Variants in HMCN2 observed in about 807,000 individuals in gnomAD.
The protein encoded by HMCN2 is hemicentin-2.
A neutral mutation model predicts 377.5 loss-of-function variants in HMCN2; 325 were observed. The observed-to-expected ratio is 0.86, with a 90% CI of 0.79 to 0.94. HMCN2 has a LOEUF of 0.94. Ranked by LOEUF, HMCN2 falls within the 40% of genes least tolerant of loss-of-function variation. The probability of loss-of-function intolerance (pLI) is 0.00; values close to 1 mark genes in which losing one functional copy is unlikely to be tolerated. For synonymous variants in HMCN2, 2,007 were observed against 2,046.8 expected, an observed-to-expected ratio of 0.98 and a Z score of 0.53; for missense variants, 4,543 against 4,725.3, an observed-to-expected ratio of 0.96 and a Z score of 1.13.
chr9:130,340,543 G>A (rs1450138477), intron 23 of HMCN2, among the ~76,000 whole-genome samples: 2 of 145,414 alleles, frequency 1.4e-5, no homozygotes, highest in Admixed American at 6.9e-5. Flanking sequence ...TTTCTTAGAC[G>A]GAGCCTCCCT....
rs367885810 is a variant in HMCN2, at chr9:130,388,608, C to T, written c.9523+68C>T. The T allele has an allele frequency of 3.4e-5, 33 of 973,588 alleles. No homozygotes were observed. In the South Asian group the frequency reaches 1.0e-3, roughly 31 times the overall value. The allele number at this position is 973,588 out of a possible 1,614,324, so 60.3% of individuals were successfully genotyped here. A position where few individuals can be genotyped will look rare whatever the true frequency, so the allele number is the denominator to read the frequency against. ...TTCTTTAATAAGATGACAGCAGAAG[C>T]GGACGAAGGAAGTTATTGGTTGTTG... On this transcript the variant is annotated intron_variant, in intron 62 of 97. Transcript: ENST00000683500.
chr9:130,300,103 C>A (rs574578604), intron 8 of HMCN2, among the ~76,000 whole-genome samples: 1 of 151,766 alleles, frequency 6.6e-6, no homozygotes, highest in South Asian at 2.1e-4. Context: ...ATTTGCTTAC[C>A]CATCCATCTA....
intron 1 of HMCN2, among the ~76,000 whole-genome samples, chr9:130,274,876 C>T (rs1421879675): frequency 2.0e-5 from 3 of 152,088 alleles, no homozygotes; most frequent in Non-Finnish European, 4.4e-5. Flanking sequence ...CCTAATTTAC[C>T]CACCCATCCC....
At position 130,304,194 on chromosome 9, in the gene HMCN2, G is replaced by A. The variant is rs1250950361; in HGVS notation, c.1544-536G>A. On this transcript the variant is annotated intron_variant, in intron 10 of 97. Coordinates refer to ENST00000683500, the MANE Select transcript of HMCN2 (RefSeq NM_001291815.2). This position sits in a 1 kb window ranked among gnomAD's most constrained non-coding sequence, Gnocchi z 4.3. ...TTGTAATCCCTCCATTCTGCCATTT[G>A]ATTTACTCCCTTTTAGGTTTTTTTC... 6.6e-6 allele frequency among the ~76,000 whole-genome samples: 1 copy of A among 152,148 alleles called. No homozygotes were observed. The highest frequency in any genetic ancestry group is 1.9e-4 in the East Asian group (1 of 5,194).
At chr9:130,371,251 TC>T in intron 46 of HMCN2, 120 bp downstream of exon 46, 1 of 465,300 alleles carries the variant, frequency 2.1e-6, no homozygotes, top group Non-Finnish European at 2.8e-6. Flanking sequence ...GAATAATCAT[TC>T]CAGCTGCTGG....
intron 1 of HMCN2, among the ~76,000 whole-genome samples, chr9:130,280,382 C>T (rs1835049249): frequency 6.6e-6 from 1 of 151,100 alleles, no homozygotes; most frequent in East Asian, 1.9e-4. Flanking sequence ...CCATGTTAGC[C>T]AGGATGGTCT....
intron 28 of HMCN2, 108 bp downstream of exon 28, chr9:130,349,239 G>A: frequency 8.9e-7 from 1 of 1,125,900 alleles, no homozygotes; most frequent in South Asian, 1.5e-5. Context: ...GAGAGCAGGG[G>A]GCACAGAGGG....
chr9:130,378,499 G>A (rs1172652098), intron 53 of HMCN2, among the ~76,000 whole-genome samples: 1 of 49,640 alleles, frequency 2.0e-5, no homozygotes, highest in Admixed American at 2.5e-4. Flanking sequence ...AGGCTGGGAT[G>A]GGGAGGCTGG....
intron 95 of HMCN2, 61 bp from the exon 96 acceptor site, chr9:130,431,306 G>A (rs952339356): frequency 2.3e-5 from 35 of 1,503,630 alleles, no homozygotes; most frequent in Non-Finnish European, 3.1e-5. Context: ...GTTGGTGTCT[G>A]TGGCTCAGTG....
intron 6 of HMCN2, among the ~76,000 whole-genome samples, chr9:130,296,319 G>A (rs938194971): frequency 6.6e-6 from 1 of 152,188 alleles, no homozygotes; most frequent in Non-Finnish European, 1.5e-5. Context: ...ACCACCTCCT[G>A]CCTTTCAAAC....
At chr9:130,385,811 G>A (rs556386893) in intron 60 of HMCN2, 49 bp downstream of exon 60, 33 of 1,247,308 alleles carry the variant, frequency 2.6e-5, no homozygotes, top group South Asian at 7.5e-5. Context: ...CAGGAAAGTC[G>A]CCTCCCAGCC....
chr9:130,292,026 T>TC (rs1261888332), intron 4 of HMCN2, among the ~76,000 whole-genome samples: 1 of 151,934 alleles, frequency 6.6e-6, no homozygotes, highest in Non-Finnish European at 1.5e-5. Context: ...CACTTTTTTT[T>TC]TTTTTTTAAT....
chr9:130,318,450 A>G (rs1172269270), intron 15 of HMCN2, among the ~76,000 whole-genome samples: 1 of 152,178 alleles, frequency 6.6e-6, no homozygotes, highest in Non-Finnish European at 1.5e-5. Context: ...CTTGGCTCGG[A>G]CTGGCTCCTG....
intron 15 of HMCN2, among the ~76,000 whole-genome samples, chr9:130,313,774 C>CTTTTTTTT (rs1215426849): frequency 2.5e-5 from 2 of 81,556 alleles, no homozygotes; most frequent in Non-Finnish European, 4.6e-5. Flanking sequence ...TGTGTGTCCT[C>CTTTTTTTT]TTTTTTTTTT....
chr9:130,401,019 T>C, intron 77 of HMCN2, 72 bp downstream of exon 77: 1 of 1,199,394 alleles, frequency 8.3e-7, no homozygotes, highest in Non-Finnish European at 1.1e-6. Context: ...GGGTGAAAGG[T>C]CACATGGCGG....
At chr9:130,357,230 G>T (rs1213099251) in intron 34 of HMCN2, among the ~76,000 whole-genome samples, 1 of 138,012 alleles carries the variant, frequency 7.2e-6, no homozygotes, top group African/African-American at 2.8e-5. Flanking sequence ...GGATGAATGG[G>T]TGGGTGGGTG....
In HMCN2 at chr9:130,394,631, T is replaced by TG; in HGVS notation, c.10692+57dup. 2.5e-6 allele frequency: 3 copies of TG among 1,208,292 alleles called. No individual in the cohort carries two copies. Among genetic ancestry groups the TG allele is most frequent in the Non-Finnish European group, 3.2e-6 (3 of 936,842 alleles). 74.8% of individuals were successfully genotyped at this position (1,208,292 alleles called of 1,614,324 possible). On this transcript the variant is annotated intron_variant, in intron 69 of 97. Coordinates refer to ENST00000683500, the MANE Select transcript of HMCN2 (RefSeq NM_001291815.2). The surrounding 1 kb of genome is among the most constrained non-coding windows in gnomAD (Gnocchi z 5.1). ...GGGGGTTGGGGGAGAGGGGAGGGACTGCAGGTTCCCCAGACCCAGTGGGCA... is the reference window on the plus strand; with the variant it reads ...GGGGGTTGGGGGAGAGGGGAGGGACTGGCAGGTTCCCCAGACCCAGTGGGCA...
intron 29 of HMCN2, among the ~76,000 whole-genome samples, chr9:130,350,416 G>A (rs1839646345): frequency 1.4e-5 from 2 of 144,368 alleles, no homozygotes. Context: ...AAATAGCCAG[G>A]CATGGTGGCA....
chr9:130,269,062 C>T (rs1251428266), intron 1 of HMCN2, among the ~76,000 whole-genome samples: 3 of 148,178 alleles, frequency 2.0e-5, no homozygotes, highest in African/African-American at 4.9e-5. Context: ...AGCTGCACAG[C>T]GGGAGGGTTT....
Sources: gnomAD v4.1 joint callset for allele counts (sites outside exome capture counted in the v4.1 genomes callset) on GRCh38, gnomAD v4.1.1 for gene constraint, Gnocchi (gnomAD v3.1) non-coding constraint, MANE v1.5 for transcripts, NCBI Gene and HGNC (gene_info 2026-07-23, HGNC 2026-07-21) for gene names.